DRD3: variants seen among roughly 807,000 people sequenced by gnomAD.
DRD3 encodes dopamine receptor D3, also known as D(3) dopamine receptor.
In DRD3, 19 loss-of-function variants were observed where a neutral mutation model predicts 36.3. The observed-to-expected ratio is 0.52, with a 90% CI of 0.36 to 0.77. DRD3 has a LOEUF of 0.77. Among genes scored for constraint, DRD3 ranks in the 30% least tolerant of loss-of-function variants. DRD3 has a pLI of 0.00. For synonymous variants in DRD3, 195 were observed against 203.7 expected, an observed-to-expected ratio of 0.96 and a Z score of 0.36; for missense variants, 465 against 505.3, an observed-to-expected ratio of 0.92 and a Z score of 0.77.
At chr3:114,131,084 C>A in intron 6 of DRD3, 34 bp downstream of exon 6, 1 of 1,597,234 alleles carries the variant, frequency 6.3e-7, no homozygotes. Flanking sequence ...CAACCTAACC[C>A]AACCCAACAC....
chr3:114,160,245 T>C (rs534295302), intron 2 of DRD3, among the ~76,000 whole-genome samples: 1 of 152,214 alleles, frequency 6.6e-6, no homozygotes, highest in Non-Finnish European at 1.5e-5. Context: ...TTATTTTTTT[T>C]AAATTTATTT....
intron 2 of DRD3, among the ~76,000 whole-genome samples, chr3:114,167,468 A>G (rs2077796792): frequency 6.6e-6 from 1 of 152,216 alleles, no homozygotes; most frequent in African/African-American, 2.4e-5. Context: ...AAACTGAATT[A>G]AGCAGATAGC....
intron 1 of DRD3, among the ~76,000 whole-genome samples, chr3:114,198,286 G>A (rs2078047678): frequency 6.6e-6 from 1 of 151,432 alleles, no homozygotes; most frequent in South Asian, 2.1e-4. Context: ...CTGGAGTGCA[G>A]TGGTGCAATC....
chr3:114,182,366 A>G (rs1017807961), upstream of DRD3, among the ~76,000 whole-genome samples: 1 of 152,224 alleles, frequency 6.6e-6, no homozygotes, highest in Non-Finnish European at 1.5e-5. Flanking sequence ...CTTCCTTTCT[A>G]CAAGAGAATG....
intron 5 of DRD3, among the ~76,000 whole-genome samples, chr3:114,132,661 C>CT (rs944904662): frequency 1.3e-5 from 2 of 151,788 alleles, no homozygotes; most frequent in Non-Finnish European, 2.9e-5. Context: ...GTAGTCTGGC[C>CT]TTTTTGAGTT....
rs188239114 is a variant in DRD3 at position 114,149,967 on chromosome 3, C to T, written c.384-2410G>A. ...ATCCTGAGAAGAGAACCTACCTACA[C>T]TGTGTACACAGTGCTGACTTACAGA... is the stretch of plus-strand genomic sequence containing the variant. On this transcript the variant is annotated intron_variant, in intron 3 of 6. Coordinates refer to ENST00000383673, the MANE Select transcript of DRD3 (RefSeq NM_000796.6). Among the ~76,000 whole-genome samples the T allele has an allele frequency of 1.1e-3, 172 of 152,348 alleles. 1 individual carries two copies. Among genetic ancestry groups the T allele is most frequent in the Middle Eastern group, 0.01 (3 of 294 alleles).
chr3:114,198,354 C>T (rs536434000), intron 1 of DRD3, among the ~76,000 whole-genome samples: 2 of 152,100 alleles, frequency 1.3e-5, no homozygotes, highest in African/African-American at 4.8e-5. Context: ...CTCACCTGGT[C>T]TCGAAGTCCT....
intron 1 of DRD3, among the ~76,000 whole-genome samples, chr3:114,190,436 A>T (rs1560006166): frequency 3.0e-4 from 3 of 10,066 alleles, no homozygotes; most frequent in African/African-American, 6.7e-4. Flanking sequence ...ATATATATAT[A>T]TATATATATA....
At position 114,171,799 on chromosome 3, in the gene DRD3, T is replaced by C. The variant is rs1344773481; in HGVS notation, c.194A>G (p.Asn65Ser). The C allele has an allele frequency of 2.5e-6, 4 of 1,613,852 alleles. No homozygotes were observed. The South Asian group carries it at 3.3e-5, about 13-fold the overall frequency. The change falls in exon 2 of 7, where the codon AAC becomes AGC. Residue 65 changes from asparagine to serine, a missense_variant. By Grantham distance (46) the Asn-to-Ser change is conservative. Coordinates refer to ENST00000383673, the MANE Select transcript of DRD3 (RefSeq NM_000796.6). ...CACAGCCAGGCTCACTACTAAGTAG[T>C]TGGTGGTAGTCTGCAGGGCCCGCTC... is the stretch of plus-strand genomic sequence containing the variant. ...LKERALQTTT[N>S]YLVVSLAVAD...
At chr3:114,196,673 C>G (rs896329375) in intron 1 of DRD3, among the ~76,000 whole-genome samples, 3 of 152,192 alleles carry the variant, frequency 2.0e-5, no homozygotes, top group African/African-American at 7.2e-5. Flanking sequence ...TTTAGTCATA[C>G]TAATAGATAT....
chr3:114,134,825 A>G (rs1392340852), intron 5 of DRD3, among the ~76,000 whole-genome samples: 1 of 152,214 alleles, frequency 6.6e-6, no homozygotes, highest in African/African-American at 2.4e-5. Context: ...ATAATTTTAC[A>G]TATTTGTGGG....
chr3:114,131,998 C>A lies in DRD3; in HGVS notation c.724-598G>T, dbSNP rs982534127. ...GTTCAACCATTGTGGAAGACTGTGG[C>A]GATTCCTCATGGATCTAGAACCAGA... On this transcript the variant is annotated intron_variant, in intron 5 of 6. Transcript: ENST00000383673. Among the ~76,000 whole-genome samples the A allele has an allele frequency of 2.6e-5, 4 of 152,126 alleles. No homozygotes were observed. The South Asian group carries it at 8.3e-4, about 32-fold the overall frequency.
chr3:114,164,247 A>AAAAAAAAAAAAAAAAAT, intron 2 of DRD3, among the ~76,000 whole-genome samples: 1 of 149,832 alleles, frequency 6.7e-6, no homozygotes, highest in Admixed American at 6.6e-5. Flanking sequence ...AAAAAAAAAA[A>AAAAAAAAAAAAAAAAAT]AAAAAGTGAA....
chr3:114,165,396 A>G (rs575294788), intron 2 of DRD3, among the ~76,000 whole-genome samples: 1 of 152,166 alleles, frequency 6.6e-6, no homozygotes, highest in African/African-American at 2.4e-5. Context: ...GCGCCACTGC[A>G]CTCCAGCCTG....
At position 114,128,063 on chromosome 3, in the gene DRD3, C is replaced by G. The variant is rs919600240; in HGVS notation, c.*653G>C. On this transcript the variant is annotated 3_prime_UTR_variant, in exon 7 of 7. Coordinates refer to ENST00000383673, the MANE Select transcript of DRD3 (RefSeq NM_000796.6). ...AGAGTAAAGGAATGGAATCAGAAAGCCTTCTTAGCTAAAGCTAAAATACAA... is the reference window on the plus strand; with the variant it reads ...AGAGTAAAGGAATGGAATCAGAAAGGCTTCTTAGCTAAAGCTAAAATACAA... Among the ~76,000 whole-genome samples, 7 of 152,220 alleles carry G rather than the reference C, an allele frequency of 4.6e-5. No individual in the cohort carries two copies. The highest frequency in any genetic ancestry group is 1.3e-4 in the Admixed American group (2 of 15,288).
intron 1 of DRD3, among the ~76,000 whole-genome samples, chr3:114,193,107 G>A (rs535858220): frequency 2.2e-4 from 34 of 152,144 alleles, no homozygotes; most frequent in African/African-American, 7.2e-4. Flanking sequence ...GTGAAACCCC[G>A]CCTCTACTAA....
intron 5 of DRD3, among the ~76,000 whole-genome samples, chr3:114,132,568 T>TA (rs11299557): frequency 0.074 from 10,165 of 137,546 alleles, 679 homozygotes; most frequent in African/African-American, 0.2. Flanking sequence ...GAACTTAAAG[T>TA]AAAAAAAAAA....
chr3:114,154,371 G>A (rs554168654), intron 3 of DRD3, among the ~76,000 whole-genome samples: 1 of 152,094 alleles, frequency 6.6e-6, no homozygotes, highest in South Asian at 2.1e-4. Context: ...GCTGACAAGG[G>A]TTGCTCTTTA....
At chr3:114,148,442 T>C (rs1036005402) in intron 3 of DRD3, among the ~76,000 whole-genome samples, 1 of 152,192 alleles carries the variant, frequency 6.6e-6, no homozygotes, top group African/African-American at 2.4e-5. Context: ...TTTCATTCTT[T>C]TACATAACCA....
Sources: gnomAD v4.1 joint callset for allele counts (sites outside exome capture counted in the v4.1 genomes callset) on GRCh38, gnomAD v4.1.1 for gene constraint, MANE v1.5 for transcripts, NCBI Gene and HGNC (gene_info 2026-07-23, HGNC 2026-07-21) for gene names.